The following RPS6KA2 variants were observed in gnomAD, a reference collection of about 807,000 sequenced individuals.
RPS6KA2 encodes ribosomal protein S6 kinase alpha-2.
Under a neutral mutation model 91.8 loss-of-function variants are expected in RPS6KA2, and 42 were observed. The ratio of observed to expected loss-of-function variants is 0.46; its 90% CI spans 0.36 to 0.59. The LOEUF is 0.59. RPS6KA2 is among the 20% of genes least tolerant of loss of function. The probability of loss-of-function intolerance (pLI) is 0.00; values close to 1 mark genes in which losing one functional copy is unlikely to be tolerated. For missense variants in RPS6KA2, 798 were observed against 978.5 expected (o/e 0.82, Z 2.46); for synonymous variants, 414 against 393.6 (o/e 1.05, Z -0.61).
intron 11 of RPS6KA2, among the ~76,000 whole-genome samples, chr6:166,466,898 C>CAATCCCTCA (rs1780549393): frequency 6.7e-6 from 1 of 150,198 alleles, no homozygotes; most frequent in Non-Finnish European, 1.5e-5. Flanking sequence ...TCACTCACTC[C>CAATCCCTCA]CTCATTCACT....
At chr6:166,496,281 C>G (rs186805577) in intron 8 of RPS6KA2, among the ~76,000 whole-genome samples, 1 of 150,960 alleles carries the variant, frequency 6.6e-6, no homozygotes, top group African/African-American at 2.5e-5. Context: ...ACCCAGGAGG[C>G]GGAGGTTGCA....
Position 166,666,702 on chromosome 6 carries a change from G to A in RPS6KA2, c.124-127918C>T, listed in dbSNP as rs1223324313. 6.6e-6 allele frequency among the ~76,000 whole-genome samples: 1 copy of A among 152,222 alleles called. No homozygotes were observed. The highest frequency in any genetic ancestry group is 2.4e-5 in the African/African-American group (1 of 41,456). On this transcript the variant is annotated intron_variant, in intron 2 of 21. Transcript: ENST00000503859. The surrounding 1 kb of genome is among the most constrained non-coding windows in gnomAD (Gnocchi z 4.0). ...AACGGTGCAGGAGCTCTGGAAAACA[G>A]TATGGCCATTCCTCAGAAAGTTACA...
rs768999635 is a variant in RPS6KA2 at position 166,595,050 on chromosome 6, A to AT, written c.99+31870dup. 2.0e-3 allele frequency among the ~76,000 whole-genome samples: 267 copies of AT among 135,340 alleles called. 2 individuals are homozygous for AT. Among genetic ancestry groups the AT allele is most frequent in the African/African-American group, 6.8e-3 (246 of 35,950 alleles). The allele number at this position is 135,340 out of a possible 152,430, so 88.8% of individuals were successfully genotyped here. ...ATAAACAAAGAAGTTGAAATGAATA[A>AT]TTTTTTTTTGTTTTTTTTTGAGACA... On this transcript the variant is annotated intron_variant, in intron 1 of 20. Transcript: ENST00000265678.
At chr6:166,691,391 G>C (rs1269464760) in intron 2 of RPS6KA2, among the ~76,000 whole-genome samples, 1 of 152,196 alleles carries the variant, frequency 6.6e-6, no homozygotes, top group East Asian at 1.9e-4. Context: ...AGACCTGCCA[G>C]GCTATTCCCA....
intron 1 of RPS6KA2, among the ~76,000 whole-genome samples, chr6:166,559,188 G>C (rs1427349580): frequency 6.6e-6 from 1 of 151,902 alleles, no homozygotes; most frequent in African/African-American, 2.4e-5. Context: ...ATTCAGTAGA[G>C]GAAAAGAGAC....
At chr6:166,596,015 A>G (rs930329168) in intron 1 of RPS6KA2, among the ~76,000 whole-genome samples, 13 of 152,238 alleles carry the variant, frequency 8.5e-5, no homozygotes, top group African/African-American at 2.9e-4. Flanking sequence ...ATCTTTGAAG[A>G]GTCATTGGTA....
chr6:166,588,253 G>A (rs1041644658), intron 1 of RPS6KA2, among the ~76,000 whole-genome samples: 3 of 152,186 alleles, frequency 2.0e-5, no homozygotes, highest in African/African-American at 7.2e-5. Context: ...CATTCAGCAG[G>A]TGGACAGCAG....
intron 1 of RPS6KA2, among the ~76,000 whole-genome samples, chr6:166,599,336 G>A (rs1039021823): frequency 2.0e-5 from 3 of 152,220 alleles, no homozygotes; most frequent in African/African-American, 7.2e-5. Flanking sequence ...ATGGGTAGGT[G>A]TGGGGAAAAT....
chr6:166,708,336 AC>A (rs1174080135), intron 2 of RPS6KA2, among the ~76,000 whole-genome samples: 1 of 152,226 alleles, frequency 6.6e-6, no homozygotes, highest in Non-Finnish European at 1.5e-5. Flanking sequence ...AATAAAGTAA[AC>A]ATTATACAGT....
intron 2 of RPS6KA2, among the ~76,000 whole-genome samples, chr6:166,843,177 T>C (rs1283278237): frequency 6.6e-6 from 1 of 152,098 alleles, no homozygotes; most frequent in Admixed American, 6.5e-5. Flanking sequence ...CATAGCTCCA[T>C]TGGCCTGGGA....
intron 2 of RPS6KA2, among the ~76,000 whole-genome samples, chr6:166,680,975 G>C (rs139802253): frequency 2.8e-4 from 42 of 152,328 alleles, no homozygotes; most frequent in Non-Finnish European, 4.6e-4. Context: ...GGACCTGTTT[G>C]GCGTATCGAG....
At position 166,702,064 on chromosome 6, in the gene RPS6KA2, C is replaced by T. The variant is rs574555571; in HGVS notation, c.123+156136G>A. ...TAATCTCCAGAATAGACTTACAAGC[C>T]GCAGAGGTGCCTTCAGGAGTAGAGA... is the stretch of plus-strand genomic sequence containing the variant. On this transcript the variant is annotated intron_variant, in intron 2 of 21. Transcript: ENST00000503859. 4.1e-6 allele frequency: 5 copies of T among 1,233,300 alleles called. No individual in the cohort carries two copies. In the African/African-American group the frequency reaches 4.4e-5, roughly 11 times the overall value. 76.4% of individuals were successfully genotyped at this position (1,233,300 alleles called of 1,614,324 possible).
chr6:166,449,813 TG>T (rs1779800472), intron 13 of RPS6KA2, among the ~76,000 whole-genome samples: 1 of 113,858 alleles, frequency 8.8e-6, no homozygotes, highest in African/African-American at 3.2e-5. Context: ...GGGACCACCA[TG>T]GGAACCACCA....
intron 2 of RPS6KA2, among the ~76,000 whole-genome samples, chr6:166,642,468 G>C (rs1249454716): frequency 1.3e-5 from 2 of 152,226 alleles, no homozygotes; most frequent in African/African-American, 4.8e-5. Flanking sequence ...AGTTGGAATT[G>C]ATGTCTTAAA....
intron 12 of RPS6KA2, among the ~76,000 whole-genome samples, chr6:166,453,574 G>A (rs1779988297): frequency 6.6e-6 from 1 of 152,196 alleles, no homozygotes; most frequent in Admixed American, 6.5e-5. Context: ...AAAAATAACA[G>A]ATGTTGGTGA....
intron 2 of RPS6KA2, among the ~76,000 whole-genome samples, chr6:166,685,137 T>G (rs943939551): frequency 4.0e-5 from 6 of 149,018 alleles, no homozygotes; most frequent in South Asian, 2.1e-4. Context: ...AGCTCAGACA[T>G]GACCCTGATG....
intron 2 of RPS6KA2, among the ~76,000 whole-genome samples, chr6:166,843,887 C>T (rs1780547786): frequency 6.6e-6 from 1 of 151,832 alleles, no homozygotes; most frequent in African/African-American, 2.4e-5. Flanking sequence ...AAGATCACAC[C>T]AGCACACCAG....
At chr6:166,516,191 A>G (rs1274788648) in intron 3 of RPS6KA2, among the ~76,000 whole-genome samples, 1 of 152,164 alleles carries the variant, frequency 6.6e-6, no homozygotes, top group African/African-American at 2.4e-5. Context: ...GGGGGTTCAC[A>G]TCTCCATTGC....
intron 2 of RPS6KA2, among the ~76,000 whole-genome samples, chr6:166,769,997 A>G (rs1175928826): frequency 1.3e-5 from 2 of 152,240 alleles, no homozygotes; most frequent in Admixed American, 1.3e-4. Flanking sequence ...TTTTTGTTTC[A>G]AATGAACTAC....
Sources: gnomAD v4.1 joint callset for allele counts (sites outside exome capture counted in the v4.1 genomes callset) on GRCh38, gnomAD v4.1.1 for gene constraint, Gnocchi (gnomAD v3.1) non-coding constraint, MANE v1.5 for transcripts, NCBI Gene and HGNC (gene_info 2026-07-23, HGNC 2026-07-21) for gene names.